Variants in NRG1 observed in about 807,000 individuals in gnomAD.
NRG1 encodes pro-neuregulin-1, membrane-bound isoform.
NRG1 carries 18 observed loss-of-function variants against 63.8 expected under a neutral mutation model. The observed-to-expected ratio is 0.28, with a 90% CI of 0.19 to 0.42. The LOEUF (loss-of-function observed/expected upper bound fraction) is 0.42. Among genes scored for constraint, NRG1 ranks in the 10% least tolerant of loss-of-function variants. NRG1 has a pLI of 1.00. For missense variants in NRG1, 762 were observed against 814.7 expected, an observed-to-expected ratio of 0.94 and a Z score of 0.79; for synonymous variants, 302 against 301.3, an observed-to-expected ratio of 1.00 and a Z score of -0.02.
chr8:32,022,499 C>G (rs1432216181), intron 1 of NRG1, among the ~76,000 whole-genome samples: 2 of 152,036 alleles, frequency 1.3e-5, no homozygotes, highest in Non-Finnish European at 1.5e-5. Context: ...TATCAGAGAG[C>G]TCTATTAAGT....
intron 1 of NRG1, among the ~76,000 whole-genome samples, chr8:32,116,817 A>G (rs891867733): frequency 6.6e-6 from 1 of 151,960 alleles, no homozygotes; most frequent in East Asian, 1.9e-4. Context: ...AATTCATTCT[A>G]TAATTTAAGT....
chr8:31,734,498 A>G (rs1814449375), intron 1 of NRG1, among the ~76,000 whole-genome samples: 1 of 152,206 alleles, frequency 6.6e-6, no homozygotes, highest in Admixed American at 6.5e-5. Context: ...TGTCTTCTAA[A>G]GGATTTGATT....
At chr8:31,825,300 A>C (rs2129604297) in intron 1 of NRG1, among the ~76,000 whole-genome samples, 1 of 152,164 alleles carries the variant, frequency 6.6e-6, no homozygotes, top group South Asian at 2.1e-4. Context: ...AGGCAGGAGA[A>C]TGGCATGAAC....
intron 1 of NRG1, among the ~76,000 whole-genome samples, chr8:31,985,411 C>T (rs959216211): frequency 2.0e-5 from 3 of 152,152 alleles, no homozygotes; most frequent in African/African-American, 7.2e-5. Context: ...CAGTTGAATA[C>T]ACCCAGTACC....
chr8:32,386,046 G>T (rs930516105), intron 1 of NRG1, among the ~76,000 whole-genome samples: 1 of 152,152 alleles, frequency 6.6e-6, no homozygotes, highest in African/African-American at 2.4e-5. Flanking sequence ...GCATGATTCT[G>T]TCTATGCTGT....
At chr8:31,863,152 G>A (rs1828629935) in intron 1 of NRG1, among the ~76,000 whole-genome samples, 1 of 152,042 alleles carries the variant, frequency 6.6e-6, no homozygotes, top group African/African-American at 2.4e-5. Flanking sequence ...AGTGCCCCTG[G>A]TACATAAAAC....
chr8:32,688,569 T>A (rs1021442669), intron 5 of NRG1, among the ~76,000 whole-genome samples: 42 of 152,284 alleles, frequency 2.8e-4, no homozygotes, highest in African/African-American at 1.0e-3. Context: ...CAGCCCCTCA[T>A]GCAGTACGTG....
intron 1 of NRG1, among the ~76,000 whole-genome samples, chr8:32,099,944 G>A (rs1330348306): frequency 6.6e-6 from 1 of 152,100 alleles, no homozygotes; most frequent in East Asian, 1.9e-4. Flanking sequence ...ACATGGACTG[G>A]AGGGGCTAAC....
At chr8:31,803,668 C>T (rs753235728) in intron 1 of NRG1, among the ~76,000 whole-genome samples, 1 of 152,166 alleles carries the variant, frequency 6.6e-6, no homozygotes, top group Non-Finnish European at 1.5e-5. Context: ...GGCAAAATGA[C>T]CTTTTAAAAA....
intron 1 of NRG1, among the ~76,000 whole-genome samples, chr8:32,381,920 A>T (rs563941906): frequency 6.6e-6 from 1 of 152,232 alleles, no homozygotes; most frequent in East Asian, 1.9e-4. Flanking sequence ...ATTTGACAAA[A>T]TATAGACATC....
intron 5 of NRG1, among the ~76,000 whole-genome samples, chr8:32,700,609 A>G (rs978114909): frequency 9.9e-5 from 15 of 152,186 alleles, no homozygotes; most frequent in African/African-American, 3.6e-4. Flanking sequence ...CCACTAGTCG[A>G]TATCTTGAGT....
chr8:32,743,711 C>G (rs1048579796), intron 7 of NRG1, among the ~76,000 whole-genome samples: 2 of 150,630 alleles, frequency 1.3e-5, no homozygotes, highest in African/African-American at 4.9e-5. Context: ...TTATATAAAC[C>G]AAACCATGTA....
intron 5 of NRG1, among the ~76,000 whole-genome samples, chr8:32,695,173 GAAC>G (rs1041400278): frequency 1.3e-5 from 2 of 151,932 alleles, no homozygotes; most frequent in Admixed American, 6.6e-5. Flanking sequence ...TAGGCAACAA[GAAC>G]AACAACAAAA....
chr8:32,746,836 TTCA>T (rs1167570291), intron 7 of NRG1, among the ~76,000 whole-genome samples: 1 of 151,422 alleles, frequency 6.6e-6, no homozygotes, highest in African/African-American at 2.4e-5. Flanking sequence ...TAATAACCTT[TTCA>T]TAAAATGAAA....
chr8:32,388,164 T>C (rs1445964783), intron 1 of NRG1, among the ~76,000 whole-genome samples: 1 of 152,208 alleles, frequency 6.6e-6, no homozygotes, highest in Admixed American at 6.5e-5. Flanking sequence ...GCCTCACCTA[T>C]GCAAATATTG....
At chr8:32,675,370 CATTA>C (rs970749768) in intron 5 of NRG1, among the ~76,000 whole-genome samples, 78 of 152,298 alleles carry the variant, frequency 5.1e-4, no homozygotes, top group African/African-American at 1.9e-3. Context: ...ACTCCTTACA[CATTA>C]ATTAAGAGAA....
At chr8:31,815,026 G>C (rs1479092458) in intron 1 of NRG1, among the ~76,000 whole-genome samples, 1 of 152,076 alleles carries the variant, frequency 6.6e-6, no homozygotes, top group East Asian at 1.9e-4. Context: ...CCATGGTTTT[G>C]ATGTCTGTGC....
At chr8:31,745,014 A>G (rs1463550205) in intron 1 of NRG1, among the ~76,000 whole-genome samples, 1 of 151,950 alleles carries the variant, frequency 6.6e-6, no homozygotes, top group Non-Finnish European at 1.5e-5. Context: ...AAAGGGTGGG[A>G]CGATTATGAT....
At chr8:31,970,912 C>T (rs558850525) in intron 1 of NRG1, among the ~76,000 whole-genome samples, 4 of 152,100 alleles carry the variant, frequency 2.6e-5, no homozygotes, top group Non-Finnish European at 4.4e-5. Context: ...TGCGCGGTGG[C>T]GGGCGCCTGT....
Sources: allele counts gnomAD v4.1 joint callset (sites outside exome capture counted in the v4.1 genomes callset), GRCh38; gene constraint gnomAD v4.1.1; transcripts MANE v1.5; gene names NCBI Gene and HGNC (gene_info 2026-07-23, HGNC 2026-07-21).